Variants in GRID1 observed in about 807,000 individuals in gnomAD.
The protein encoded by GRID1 is glutamate ionotropic receptor delta type subunit 1.
Under a neutral mutation model 98.0 loss-of-function variants are expected in GRID1, and 28 were observed. The observed-to-expected ratio is 0.29, with a 90% confidence interval of 0.21 to 0.39. GRID1 has a LOEUF of 0.39. Among genes scored for constraint, GRID1 ranks in the 10% least tolerant of loss-of-function variants. GRID1 has a pLI of 1.00. For missense variants in GRID1, 1,111 were observed against 1,340.5 expected, an observed-to-expected ratio of 0.83 and a Z score of 2.67; for synonymous variants, 553 against 538.5, an observed-to-expected ratio of 1.03 and a Z score of -0.37.
intron 4 of GRID1, among the ~76,000 whole-genome samples, chr10:86,081,788 C>T (rs1026280920): frequency 6.6e-6 from 1 of 152,196 alleles, no homozygotes; most frequent in Admixed American, 6.5e-5. Flanking sequence ...CTATATGATT[C>T]CAACCATATG....
chr10:86,095,943 C>A (rs1166702510), intron 4 of GRID1, among the ~76,000 whole-genome samples: 1 of 152,168 alleles, frequency 6.6e-6, no homozygotes, highest in African/African-American at 2.4e-5. Flanking sequence ...TTCACAATTG[C>A]AAAATCATGG....
At chr10:86,038,025 G>C (rs1437770653) in intron 4 of GRID1, among the ~76,000 whole-genome samples, 1 of 152,166 alleles carries the variant, frequency 6.6e-6, no homozygotes, top group African/African-American at 2.4e-5. Flanking sequence ...AAGAAAAGGA[G>C]ATTAGGACAC....
intron 8 of GRID1, among the ~76,000 whole-genome samples, chr10:85,770,424 T>C (rs926556430): frequency 6.6e-5 from 10 of 152,200 alleles, no homozygotes; most frequent in Middle Eastern, 3.4e-3. Flanking sequence ...GCACCTCTCC[T>C]CCTCCAAAGG....
chr10:85,904,085 G>T (rs1841426089), intron 5 of GRID1, among the ~76,000 whole-genome samples: 1 of 152,082 alleles, frequency 6.6e-6, no homozygotes, highest in African/African-American at 2.4e-5. Context: ...TAATTATCTG[G>T]TCATCTGTCT....
rs570488719 is a variant in GRID1 at position 86,105,709 on chromosome 10, C to A, written c.726+33110G>T. Among the ~76,000 whole-genome samples the A allele has an allele frequency of 3.3e-5, 5 of 152,334 alleles. No individual in the cohort carries two copies. The South Asian group carries it at 1.0e-3, about 32-fold the overall frequency. On this transcript the variant is annotated intron_variant, in intron 4 of 15. Transcript: ENST00000327946. ...TGTGGAGAGAAAGATGCCATCCCCC[C>A]TCTCCAGCAAAGGTTGGAATCTAGG...
At chr10:86,255,570 C>A (rs1420338725) in intron 2 of GRID1, among the ~76,000 whole-genome samples, 1 of 152,176 alleles carries the variant, frequency 6.6e-6, no homozygotes, top group Non-Finnish European at 1.5e-5. Flanking sequence ...GCTCGGGTCA[C>A]CCTTTTCCTC....
chr10:85,949,071 A>G (rs1363507745), intron 4 of GRID1, among the ~76,000 whole-genome samples: 1 of 152,182 alleles, frequency 6.6e-6, no homozygotes, highest in African/African-American at 2.4e-5. Flanking sequence ...AGCACTTTCT[A>G]TGGGAACAGA....
intron 4 of GRID1, among the ~76,000 whole-genome samples, chr10:86,088,513 A>G (rs941588551): frequency 2.0e-5 from 3 of 152,206 alleles, no homozygotes; most frequent in African/African-American, 7.2e-5. Context: ...CGTCCCAGAG[A>G]GCATGGGGAT....
chr10:86,145,152 AG>A (rs1845067268), intron 3 of GRID1, among the ~76,000 whole-genome samples: 1 of 152,246 alleles, frequency 6.6e-6, no homozygotes, highest in Non-Finnish European at 1.5e-5. Context: ...GCAAACAAAA[AG>A]TCTTCTAGAG....
intron 2 of GRID1, among the ~76,000 whole-genome samples, chr10:86,328,324 T>C (rs1343227391): frequency 1.3e-5 from 2 of 152,254 alleles, no homozygotes; most frequent in Non-Finnish European, 2.9e-5. Flanking sequence ...GCCTTTTGTT[T>C]CTTTTAATTA....
intron 4 of GRID1, among the ~76,000 whole-genome samples, chr10:85,918,675 C>G (rs2140663): frequency 0.58 from 88,480 of 152,078 alleles, 25,875 homozygotes; most frequent in African/African-American, 0.62. Flanking sequence ...TGTTGACCTA[C>G]AGCCAATGGC....
chr10:85,920,414 C>T (rs1190950671), intron 4 of GRID1, among the ~76,000 whole-genome samples: 1 of 152,146 alleles, frequency 6.6e-6, no homozygotes, highest in Non-Finnish European at 1.5e-5. Context: ...ATTCGATGGT[C>T]TCTTGAAGTA....
At chr10:85,688,355 C>G (rs1737808459) in intron 12 of GRID1, among the ~76,000 whole-genome samples, 2 of 152,126 alleles carry the variant, frequency 1.3e-5, no homozygotes, top group South Asian at 4.1e-4. Context: ...TAAAAAGATA[C>G]TCAGAAGGTA....
At chr10:86,227,917 T>G (rs551114787) in intron 2 of GRID1, among the ~76,000 whole-genome samples, 3 of 152,152 alleles carry the variant, frequency 2.0e-5, no homozygotes, top group African/African-American at 7.2e-5. Context: ...CTGAGGAAAA[T>G]GCTGAATGAT....
chr10:85,642,620 T>G (rs1843135637), intron 13 of GRID1, among the ~76,000 whole-genome samples: 1 of 152,202 alleles, frequency 6.6e-6, no homozygotes, highest in South Asian at 2.1e-4. Context: ...GCAGGTTTGT[T>G]GTGAAAATGG....
intron 2 of GRID1, among the ~76,000 whole-genome samples, chr10:86,221,821 T>G (rs1282248897): frequency 1.3e-5 from 2 of 152,050 alleles, no homozygotes; most frequent in African/African-American, 4.8e-5. Context: ...TGCTCAGAGC[T>G]TGCTTCTGGG....
At chr10:85,853,866 A>T (rs1756965951) in intron 8 of GRID1, among the ~76,000 whole-genome samples, 1 of 152,194 alleles carries the variant, frequency 6.6e-6, no homozygotes, top group Admixed American at 6.5e-5. Context: ...CACAGTCCTG[A>T]AAACTGTTCT....
At chr10:86,220,525 A>G (rs1368345190) in intron 2 of GRID1, among the ~76,000 whole-genome samples, 1 of 152,194 alleles carries the variant, frequency 6.6e-6, no homozygotes, top group East Asian at 1.9e-4. Flanking sequence ...AGTGAGAAGA[A>G]AGCAGCCTGG....
At chr10:86,057,936 G>T (rs560152876) in intron 4 of GRID1, among the ~76,000 whole-genome samples, 2 of 152,126 alleles carry the variant, frequency 1.3e-5, no homozygotes, top group Non-Finnish European at 2.9e-5. Flanking sequence ...TGCGGTGTGC[G>T]CTCCAGAAAT....
Sources: gnomAD v4.1 joint callset for allele counts (sites outside exome capture counted in the v4.1 genomes callset) on GRCh38, gnomAD v4.1.1 for gene constraint, MANE v1.5 for transcripts, NCBI Gene and HGNC (gene_info 2026-07-23, HGNC 2026-07-21) for gene names.